The following ELP4 variants were observed in gnomAD, a reference collection of about 807,000 sequenced individuals.
ELP4 encodes the protein elongator acetyltransferase complex subunit 4.
A neutral mutation model predicts 48.9 loss-of-function variants in ELP4; 51 were observed. The ratio of observed to expected loss-of-function variants is 1.04; its 90% CI spans 0.83 to 1.32. The LOEUF is 1.32. ELP4 is among the 40% of genes most tolerant of loss of function. The pLI is 0.00. For missense variants in ELP4, 519 were observed against 514.6 expected, an observed-to-expected ratio of 1.01 and a Z score of -0.08; for synonymous variants, 210 against 189.2, an observed-to-expected ratio of 1.11 and a Z score of -0.90.
intron 3 of ELP4, among the ~76,000 whole-genome samples, chr11:31,571,900 T>G (rs1164081739): frequency 6.6e-6 from 1 of 152,186 alleles, no homozygotes; most frequent in Non-Finnish European, 1.5e-5. Flanking sequence ...GGCTTTGTTG[T>G]TCTGTTTATA....
At chr11:31,657,070 G>A (rs1325969143) in intron 9 of ELP4, among the ~76,000 whole-genome samples, 3 of 151,970 alleles carry the variant, frequency 2.0e-5, no homozygotes, top group African/African-American at 7.2e-5. Flanking sequence ...AAAGTAAGAA[G>A]ATACATTTTA....
At chr11:31,746,924 AAAAAT>A (rs199563563) in intron 9 of ELP4, among the ~76,000 whole-genome samples, 1 of 135,298 alleles carries the variant, frequency 7.4e-6, no homozygotes, top group Non-Finnish European at 1.6e-5. Context: ...GAAAAAAATA[AAAAAT>A]AAAACAAATT....
chr11:31,620,078 AAG>A (rs1429365626), intron 5 of ELP4, among the ~76,000 whole-genome samples: 5 of 152,070 alleles, frequency 3.3e-5, no homozygotes, highest in Non-Finnish European at 7.4e-5. Flanking sequence ...AAAAAAGAAA[AAG>A]AGAAAGTATG....
intron 1 of ELP4, chr11:31,510,231 T>C (rs1485401875): frequency 1.2e-5 from 7 of 577,122 alleles, no homozygotes; most frequent in Non-Finnish European, 1.9e-5. Flanking sequence ...TTTCATTCCC[T>C]GCCCTCCAAC....
chr11:31,743,710 A>G (rs868369791), intron 9 of ELP4, among the ~76,000 whole-genome samples: 76 of 152,296 alleles, frequency 5.0e-4, no homozygotes, highest in African/African-American at 1.7e-3. Flanking sequence ...GAGAACAAAG[A>G]CACAACATAC....
chr11:31,563,569 T>G (rs1957056666), intron 3 of ELP4, among the ~76,000 whole-genome samples: 1 of 152,194 alleles, frequency 6.6e-6, no homozygotes, highest in Admixed American at 6.5e-5. Context: ...TATGGGAATT[T>G]TATAATTTTA....
In ELP4 at chr11:31,603,758, A is replaced by G. The variant is rs1245610953; in HGVS notation, c.514-10A>G. The stretch of plus-strand genomic sequence containing the variant: ...TTGTTTAACAACCACTATGGGGTTT[A>G]TTTTAGCAGATTGGACCAGTATCAT... On this transcript the variant is annotated splice_polypyrimidine_tract_variant and intron_variant, in intron 4 of 9. Transcript: ENST00000640961. 3.7e-6 allele frequency: 6 copies of G among 1,605,686 alleles called. No individual in the cohort carries two copies. Among genetic ancestry groups the G allele is most frequent in the Non-Finnish European group, 5.1e-6 (6 of 1,175,370 alleles).
intron 3 of ELP4, among the ~76,000 whole-genome samples, chr11:31,562,734 G>C (rs1049829709): frequency 6.6e-6 from 1 of 152,020 alleles, no homozygotes; most frequent in African/African-American, 2.4e-5. Flanking sequence ...TGAAGTATGC[G>C]TGGAAATAAG....
At chr11:31,633,307 A>C (rs1944904280) in intron 7 of ELP4, 1 of 152,078 alleles carries the variant, frequency 6.6e-6, no homozygotes, top group African/African-American at 2.4e-5. Flanking sequence ...AAGTGAATTT[A>C]GCTAGATGCA....
intron 9 of ELP4, among the ~76,000 whole-genome samples, chr11:31,777,339 T>G (rs1178866426): frequency 6.6e-6 from 1 of 152,184 alleles, no homozygotes; most frequent in Non-Finnish European, 1.5e-5. Context: ...TGTTTATCCA[T>G]AGAGCAGGGG....
chr11:31,599,538 G>C (rs1957742827), intron 4 of ELP4: 1 of 142,964 alleles, frequency 7.0e-6, no homozygotes. Flanking sequence ...AAAAAAACCT[G>C]GCTGTATTAG....
At chr11:31,541,632 T>C (rs1956592499) in intron 3 of ELP4, among the ~76,000 whole-genome samples, 1 of 152,236 alleles carries the variant, frequency 6.6e-6, no homozygotes, top group Non-Finnish European at 1.5e-5. Context: ...TTTATTTTTA[T>C]TTTTTCCTCT....
chr11:31,621,303 A>G (rs562019294), intron 5 of ELP4, among the ~76,000 whole-genome samples: 41 of 152,104 alleles, frequency 2.7e-4, no homozygotes, highest in South Asian at 1.0e-3. Flanking sequence ...ATTGGGAGTG[A>G]TAACAGCTTC....
intron 6 of ELP4, among the ~76,000 whole-genome samples, chr11:31,631,432 A>G (rs1944858970): frequency 6.6e-6 from 1 of 152,174 alleles, no homozygotes. Flanking sequence ...TCTTTTGCCC[A>G]GAAATTTTGC....
intron 3 of ELP4, among the ~76,000 whole-genome samples, chr11:31,568,098 T>G (rs1366767513): frequency 6.6e-6 from 1 of 152,178 alleles, no homozygotes; most frequent in Non-Finnish European, 1.5e-5. Flanking sequence ...GATAAATGAC[T>G]TCAGTAAAGT....
At chr11:31,671,221 A>G (rs981788572) in intron 9 of ELP4, among the ~76,000 whole-genome samples, 1 of 152,214 alleles carries the variant, frequency 6.6e-6, no homozygotes, top group African/African-American at 2.4e-5. Flanking sequence ...TATACGTTGA[A>G]TCACAACTAT....
At chr11:31,623,925 G>A (rs1437178437) in intron 5 of ELP4, among the ~76,000 whole-genome samples, 4 of 151,626 alleles carry the variant, frequency 2.6e-5, no homozygotes, top group Non-Finnish European at 5.9e-5. Context: ...TTTCTCAAAA[G>A]AAGCCATACA....
intron 9 of ELP4, among the ~76,000 whole-genome samples, chr11:31,734,441 A>G (rs938351656): frequency 2.0e-5 from 3 of 152,228 alleles, no homozygotes; most frequent in African/African-American, 7.2e-5. Context: ...TTAAGATGAC[A>G]TCTTATATGT....
At chr11:31,542,036 G>A (rs548055830) in intron 3 of ELP4, among the ~76,000 whole-genome samples, 43 of 152,196 alleles carry the variant, frequency 2.8e-4, no homozygotes, top group Admixed American at 6.5e-4. Flanking sequence ...GATTAACAAG[G>A]TCCAGATTTC....
Sources: gnomAD v4.1 joint callset for allele counts (sites outside exome capture counted in the v4.1 genomes callset) on GRCh38, gnomAD v4.1.1 for gene constraint, MANE v1.5 for transcripts, NCBI Gene and HGNC (gene_info 2026-07-23, HGNC 2026-07-21) for gene names.